The following KDM6A variants were observed in gnomAD, a reference collection of about 807,000 sequenced individuals.
KDM6A encodes the protein lysine-specific demethylase 6A.
Under a neutral mutation model 117.6 loss-of-function variants are expected in KDM6A, and 11 were observed. That is an observed-to-expected ratio of 0.09 (90% CI 0.06 to 0.15). The LOEUF (loss-of-function observed/expected upper bound fraction) is 0.15, where lower values mean the gene tolerates loss of function less well. Among genes scored for constraint, KDM6A ranks in the 10% least tolerant of loss-of-function variants. KDM6A has a pLI of 1.00. For missense variants in KDM6A, 799 were observed against 1,077.3 expected, an observed-to-expected ratio of 0.74 and a Z score of 3.62; for synonymous variants, 384 against 396.1, an observed-to-expected ratio of 0.97 and a Z score of 0.36.
At chrX:45,098,480 A>G (rs1372834471) in intron 27 of KDM6A, among the ~76,000 whole-genome samples, 2 of 112,883 alleles carry the variant, frequency 1.8e-5, no homozygotes, top group African/African-American at 6.4e-5. Flanking sequence ...CAGACAGTGG[A>G]ACATTTGTGC....
At chrX:44,928,442 C>T (rs1000721783) in intron 2 of KDM6A, among the ~76,000 whole-genome samples, 26 of 111,283 alleles carry the variant, frequency 2.3e-4, no homozygotes, top group South Asian at 1.1e-3. Flanking sequence ...AACAAACATC[C>T]GACGATGGGG....
chrX:45,026,972 A>G (rs770386436), intron 6 of KDM6A, among the ~76,000 whole-genome samples: 6 of 111,669 alleles, frequency 5.4e-5, no homozygotes, highest in Admixed American at 9.6e-5. Flanking sequence ...TGACATTTTA[A>G]TAGTATATTT....
At chrX:44,927,745 A>T (rs1421081885) in intron 2 of KDM6A, among the ~76,000 whole-genome samples, 1 of 111,781 alleles carries the variant, frequency 8.9e-6, no homozygotes, top group Non-Finnish European at 1.9e-5. Context: ...CTTATTTATC[A>T]TTAGCCGGTC....
intron 2 of KDM6A, among the ~76,000 whole-genome samples, chrX:44,903,478 AT>A (rs754404527): frequency 1.8e-5 from 2 of 111,238 alleles, no homozygotes; most frequent in African/African-American, 3.3e-5. Flanking sequence ...CGTGAGATTA[AT>A]TTTTTTTATT....
At chrX:45,047,167 A>G (rs1163535837) in intron 8 of KDM6A, among the ~76,000 whole-genome samples, 1 of 110,109 alleles carries the variant, frequency 9.1e-6, no homozygotes, top group Admixed American at 9.7e-5. Flanking sequence ...TTTGACTTCA[A>G]TGTGCTCAGA....
Position 44,963,483 on chromosome X carries a change from G to GTGTGTGTGTGTGTGTGTGTCTGTC in KDM6A, c.334+2094_334+2095insGTGTGTGTGTGTGTGTCTGTCTGT, listed in dbSNP as rs1481840859. Among the ~76,000 whole-genome samples the GTGTGTGTGTGTGTGTGTGTCTGTC allele has an allele frequency of 7.1e-4, 29 of 40,883 alleles. 1 individual carries two copies. Among genetic ancestry groups the GTGTGTGTGTGTGTGTGTGTCTGTC allele is most frequent in the African/African-American group, 2.1e-3 (28 of 13,257 alleles). The allele number at this position is 40,883 out of a possible 115,157, so 35.5% of individuals were successfully genotyped here. On this transcript the variant is annotated intron_variant, in intron 3 of 29. Coordinates refer to ENST00000611820, the MANE Select transcript of KDM6A (RefSeq NM_001291415.2). The stretch of plus-strand genomic sequence containing the variant: ...TGTGTGTGTGTGTGTGTGTGTGTGT[G>GTGTGTGTGTGTGTGTGTGTCTGTC]TGTCTGTCTGTCTGTCTCTGTCTGT...
chrX:45,063,198 C>T (rs2147988475), intron 16 of KDM6A, among the ~76,000 whole-genome samples: 1 of 109,598 alleles, frequency 9.1e-6, no homozygotes, highest in South Asian at 3.8e-4. Context: ...TTGAAACCGA[C>T]TTTTGCTTTT....
intron 2 of KDM6A, among the ~76,000 whole-genome samples, chrX:44,909,796 A>T (rs1357713667): frequency 9.0e-6 from 1 of 111,698 alleles, no homozygotes; most frequent in Non-Finnish European, 1.9e-5. Flanking sequence ...GAACATGTGG[A>T]TTAGGAGAGA....
At chrX:44,916,594 T>C (rs2035572712) in intron 2 of KDM6A, among the ~76,000 whole-genome samples, 1 of 111,445 alleles carries the variant, frequency 9.0e-6, no homozygotes, top group African/African-American at 3.3e-5. Context: ...CTATATACTT[T>C]AGTAGTATAC....
intron 2 of KDM6A, among the ~76,000 whole-genome samples, chrX:44,917,492 G>A (rs1951239291): frequency 8.9e-6 from 1 of 111,744 alleles, no homozygotes; most frequent in Non-Finnish European, 1.9e-5. Context: ...ATGTTCAAAC[G>A]TAGGTTAAAT....
At chrX:44,891,907 C>G (rs2033395242) in intron 2 of KDM6A, among the ~76,000 whole-genome samples, 1 of 112,352 alleles carries the variant, frequency 8.9e-6, no homozygotes, top group Non-Finnish European at 1.9e-5. Flanking sequence ...GGAAGAGGAA[C>G]AGGCTATGTC....
chrX:45,041,164 G>A (rs1377953807), intron 8 of KDM6A, among the ~76,000 whole-genome samples: 2 of 83,204 alleles, frequency 2.4e-5, no homozygotes, highest in East Asian at 4.0e-4. Flanking sequence ...GCGGCTGGCC[G>A]GGCAGGGGGC....
chrX:44,998,004 G>A (rs2040947846), intron 4 of KDM6A, among the ~76,000 whole-genome samples: 1 of 112,035 alleles, frequency 8.9e-6, no homozygotes, highest in African/African-American at 3.3e-5. Flanking sequence ...GTCATAAAAT[G>A]AAGGCCCTTA....
chrX:44,933,233 CCTT>C (rs1762941173), intron 2 of KDM6A, among the ~76,000 whole-genome samples: 1 of 101,400 alleles, frequency 9.9e-6, no homozygotes, highest in East Asian at 3.1e-4. Context: ...GTTTCTGTGT[CCTT>C]CTCTTCCCTC....
At chrX:45,040,129 C>T (rs1461683977) in intron 8 of KDM6A, among the ~76,000 whole-genome samples, 2 of 59,396 alleles carry the variant, frequency 3.4e-5, no homozygotes, top group African/African-American at 6.8e-5. Flanking sequence ...GGCGGCTGGC[C>T]GGGCGGGGGG....
intron 25 of KDM6A, among the ~76,000 whole-genome samples, chrX:45,087,529 A>C (rs1198712254): frequency 8.9e-6 from 1 of 112,538 alleles, no homozygotes; most frequent in Non-Finnish European, 1.9e-5. Context: ...AAATAACCTG[A>C]TTACTTTAAT....
chrX:45,090,922 A>G, intron 27 of KDM6A, 58 bp downstream of exon 27: 1 of 1,144,694 alleles, frequency 8.7e-7, no homozygotes, highest in Admixed American at 2.2e-5. Context: ...TTAACTATTA[A>G]GTTTTTTTTC....
intron 2 of KDM6A, among the ~76,000 whole-genome samples, chrX:44,949,249 G>C (rs1475173001): frequency 9.0e-6 from 1 of 110,557 alleles, no homozygotes; most frequent in African/African-American, 3.3e-5. Context: ...ACAAAAATTA[G>C]CTGGGCGTGT....
intron 2 of KDM6A, among the ~76,000 whole-genome samples, chrX:44,896,642 A>G (rs2033886888): frequency 1.5e-5 from 1 of 65,375 alleles, no homozygotes; most frequent in Non-Finnish European, 2.9e-5. Context: ...TTTTTTTTTC[A>G]GACAGCTTCT....
Sources: allele counts gnomAD v4.1 joint callset (sites outside exome capture counted in the v4.1 genomes callset), GRCh38; gene constraint gnomAD v4.1.1; transcripts MANE v1.5; gene names NCBI Gene and HGNC (gene_info 2026-07-23, HGNC 2026-07-21).